TBC1D12: variants seen among roughly 807,000 people sequenced by gnomAD.
The protein encoded by TBC1D12 is TBC1 domain family member 12.
A neutral mutation model predicts 86.7 loss-of-function variants in TBC1D12; 56 were observed. The ratio of observed to expected loss-of-function variants is 0.65; its 90% CI spans 0.52 to 0.81. The LOEUF is 0.81. TBC1D12 is among the 30% of genes least tolerant of loss of function. The pLI is 0.00. For synonymous variants in TBC1D12, 421 were observed against 411.7 expected (o/e 1.02, Z -0.27); for missense variants, 1,023 against 1,038.8 (o/e 0.98, Z 0.21).
At chr10:94,429,277 TA>T (rs1203842898) in intron 1 of TBC1D12, among the ~76,000 whole-genome samples, 9 of 152,056 alleles carry the variant, frequency 5.9e-5, no homozygotes, top group African/African-American at 2.2e-4. Flanking sequence ...GTTTATTGAA[TA>T]AAAATTCTCT....
At chr10:94,531,862 A>ATGTTATTTTATATGTTATGT (rs760350753) in intron 12 of TBC1D12, among the ~76,000 whole-genome samples, 5 of 83,282 alleles carry the variant, frequency 6.0e-5, no homozygotes, top group Non-Finnish European at 1.0e-4. Context: ...ATTTTATTTT[A>ATGTTATTTTATATGTTATGT]TATGTTATGT....
In TBC1D12 at chr10:94,430,741, G is replaced by A. The variant is rs1031694905; in HGVS notation, c.972-11155G>A. ...CCACTAAGGGAGAAGGCAGGGAAAT[G>A]GTTGTATTAGTAGGCCTTTTCCCCT... On this transcript the variant is annotated intron_variant, in intron 1 of 12. Coordinates refer to ENST00000225235, the MANE Select transcript of TBC1D12 (RefSeq NM_015188.2). Among the ~76,000 whole-genome samples, 10 of 152,176 alleles carry A rather than the reference G, an allele frequency of 6.6e-5. No homozygotes were observed. The South Asian group carries it at 2.1e-3, about 31-fold the overall frequency.
intron 2 of TBC1D12, among the ~76,000 whole-genome samples, chr10:94,472,448 GT>G (rs2055922759): frequency 6.6e-6 from 1 of 152,142 alleles, no homozygotes; most frequent in Non-Finnish European, 1.5e-5. Flanking sequence ...AATGTTAGTT[GT>G]TATTAATATA....
intron 2 of TBC1D12, among the ~76,000 whole-genome samples, chr10:94,453,173 A>C (rs1049447230): frequency 5.3e-5 from 8 of 152,302 alleles, no homozygotes; most frequent in Non-Finnish European, 1.0e-4. Context: ...TTTGGATAAC[A>C]GTCCTTTGTC....
chr10:94,497,676 C>T (rs184927341), intron 5 of TBC1D12, among the ~76,000 whole-genome samples: 4,783 of 133,400 alleles, frequency 0.036, 121 homozygotes, highest in Middle Eastern at 0.074. Flanking sequence ...CCTGCCACCG[C>T]GCCTGGCTAA....
Position 94,403,294 on chromosome 10 carries a change from C to A in TBC1D12, c.681C>A (p.Cys227Ter). ...SDSGDSPASS[C>*]SSSEDSEQRG... Reference sequence around the variant, plus strand: ...CGGGGGACAGCCCCGCCAGCAGCTGCAGCAGTAGCGAGGACTCAGAGCAGC... The same window carrying A: ...CGGGGGACAGCCCCGCCAGCAGCTGAAGCAGTAGCGAGGACTCAGAGCAGC... The change falls in exon 1 of 13, where the codon TGC becomes TGA. Residue 227 changes from cysteine to a stop codon, truncating the protein, a stop_gained. Coordinates refer to ENST00000225235, the MANE Select transcript of TBC1D12 (RefSeq NM_015188.2). LOFTEE classifies it high-confidence loss of function. 1 of 1,503,246 alleles carries A rather than the reference C, an allele frequency of 6.7e-7. No individual in the cohort carries two copies. Among genetic ancestry groups the A allele is most frequent in the Admixed American group, 2.2e-5 (1 of 45,432 alleles). 93.1% of individuals were successfully genotyped at this position (1,503,246 alleles called of 1,614,324 possible).
intron 3 of TBC1D12, among the ~76,000 whole-genome samples, chr10:94,482,332 C>A (rs2056088972): frequency 6.6e-6 from 1 of 152,012 alleles, no homozygotes; most frequent in Non-Finnish European, 1.5e-5. Context: ...CGCTTTTGTT[C>A]CCGCAAAGGA....
chr10:94,464,812 C>T (rs2055782818), intron 2 of TBC1D12, among the ~76,000 whole-genome samples: 1 of 152,076 alleles, frequency 6.6e-6, no homozygotes, highest in Non-Finnish European at 1.5e-5. Context: ...ACAAAAACAA[C>T]ATATTTGTGA....
chr10:94,517,371 C>G (rs540688170), intron 9 of TBC1D12, among the ~76,000 whole-genome samples: 1 of 152,310 alleles, frequency 6.6e-6, no homozygotes, highest in South Asian at 2.1e-4. Flanking sequence ...GAGCGAGACT[C>G]TGTCTCAAAA....
intron 2 of TBC1D12, among the ~76,000 whole-genome samples, chr10:94,467,673 A>T (rs11187968): frequency 1.3e-5 from 2 of 152,022 alleles, no homozygotes; most frequent in Non-Finnish European, 2.9e-5. Flanking sequence ...TAAACCTTCA[A>T]TGCATGTCCT....
chr10:94,406,812 C>A (rs907711532), intron 1 of TBC1D12, among the ~76,000 whole-genome samples: 1 of 152,188 alleles, frequency 6.6e-6, no homozygotes. Context: ...ACTCCCACTT[C>A]ATTTTTTTAG....
At chr10:94,493,700 G>A (rs935895906) in intron 4 of TBC1D12, among the ~76,000 whole-genome samples, 8 of 152,044 alleles carry the variant, frequency 5.3e-5, no homozygotes, top group African/African-American at 1.2e-4. Flanking sequence ...CCACAGGCAC[G>A]TGCCACCATG....
At chr10:94,504,817 C>A (rs973416187) in intron 6 of TBC1D12, among the ~76,000 whole-genome samples, 2 of 152,132 alleles carry the variant, frequency 1.3e-5, no homozygotes, top group Non-Finnish European at 2.9e-5. Flanking sequence ...TGGATAATAT[C>A]ATAATTGTCA....
chr10:94,414,571 G>A (rs1034143230), intron 1 of TBC1D12, among the ~76,000 whole-genome samples: 1 of 150,298 alleles, frequency 6.7e-6, no homozygotes, highest in Non-Finnish European at 1.5e-5. Flanking sequence ...CTGTCTCCCA[G>A]TGGCTTCTCA....
At chr10:94,445,093 G>GC (rs1360722561) in intron 2 of TBC1D12, among the ~76,000 whole-genome samples, 2 of 148,766 alleles carry the variant, frequency 1.3e-5, no homozygotes, top group African/African-American at 4.9e-5. Flanking sequence ...GGGAGCGGTG[G>GC]CTCAAGCCTG....
At chr10:94,463,120 A>G (rs1313976555) in intron 2 of TBC1D12, among the ~76,000 whole-genome samples, 1 of 152,104 alleles carries the variant, frequency 6.6e-6, no homozygotes, top group African/African-American at 2.4e-5. Flanking sequence ...TTCTTTTGTT[A>G]CTGCCTTTAC....
chr10:94,495,723 A>AT (rs141886758), intron 4 of TBC1D12, among the ~76,000 whole-genome samples: 3,036 of 150,206 alleles, frequency 0.02, 89 homozygotes, highest in African/African-American at 0.053. Flanking sequence ...CTCTTTCATC[A>AT]TTTTTTTTTT....
At chr10:94,405,301 T>A (rs2054839618) in intron 1 of TBC1D12, among the ~76,000 whole-genome samples, 5 of 152,182 alleles carry the variant, frequency 3.3e-5, no homozygotes, top group Admixed American at 3.3e-4. Context: ...ATTGTAGACA[T>A]AAAGGCACAA....
chr10:94,402,728 T>G lies in TBC1D12; in HGVS notation c.115T>G (p.Phe39Val). 2 of 1,568,094 alleles carry G rather than the reference T, an allele frequency of 1.3e-6. No homozygotes were observed. The highest frequency in any genetic ancestry group is 1.7e-6 in the Non-Finnish European group (2 of 1,156,396). Residue 39 changes from phenylalanine (F) to valine (V), a missense_variant, in exon 1 of 13, where the codon TTT becomes GTT. Physicochemically the swap from Phe to Val is conservative, Grantham distance 50. Around this residue, in one of 2 missense-constraint regions of TBC1D12, gnomAD observed 628 missense variants for 531.1 expected, o/e 1.18. Coordinates refer to ENST00000225235, the MANE Select transcript of TBC1D12 (RefSeq NM_015188.2). ...DRKVIRATGGFGGGVGAVEPP... is the reference protein window; with the variant it reads ...DRKVIRATGGVGGGVGAVEPP... Reference sequence around the variant, plus strand: ...GAAGGTAATCCGGGCCACGGGCGGCTTTGGCGGAGGCGTCGGCGCTGTGGA... The same window carrying G: ...GAAGGTAATCCGGGCCACGGGCGGCGTTGGCGGAGGCGTCGGCGCTGTGGA...
Sources: gnomAD v4.1 joint callset for allele counts (sites outside exome capture counted in the v4.1 genomes callset) on GRCh38, gnomAD v4.1.1 for gene constraint, gnomAD v4.1.1 regional missense constraint, MANE v1.5 for transcripts, NCBI Gene and HGNC (gene_info 2026-07-23, HGNC 2026-07-21) for gene names.